DNAJB6: variants seen among roughly 807,000 people sequenced by gnomAD.
DNAJB6 encodes DnaJ heat shock protein family (Hsp40) member B6.
In DNAJB6, 16 loss-of-function variants were observed where a neutral mutation model predicts 42.7. The observed-to-expected ratio is 0.37, with a 90% CI of 0.25 to 0.57. DNAJB6 has a LOEUF of 0.57. Among genes scored for constraint, DNAJB6 ranks in the 20% least tolerant of loss-of-function variants. The pLI is 0.74. For missense variants in DNAJB6, 347 were observed against 416.8 expected (o/e 0.83, Z 1.46); for synonymous variants, 170 against 163.5 (o/e 1.04, Z -0.30).
intron 8 of DNAJB6, among the ~76,000 whole-genome samples, chr7:157,390,261 C>T (rs1341363831): frequency 2.6e-5 from 4 of 152,236 alleles, no homozygotes; most frequent in Non-Finnish European, 5.9e-5. Flanking sequence ...GGAGGCTTGC[C>T]ATGTGGATCC....
At chr7:157,388,152 A>G (rs1340871139) in intron 8 of DNAJB6, among the ~76,000 whole-genome samples, 3 of 152,162 alleles carry the variant, frequency 2.0e-5, no homozygotes, top group African/African-American at 4.8e-5. Flanking sequence ...GGCTGAGAAA[A>G]TTACTTTTAT....
chr7:157,381,781 C>T (rs1303125155), intron 5 of DNAJB6: 11 of 103,708 alleles, frequency 1.1e-4, no homozygotes, highest in African/African-American at 1.3e-4. Flanking sequence ...TGTGTGGGCG[C>T]GCGCATGTTA....
intron 3 of DNAJB6, 56 bp from the exon 4 acceptor site, chr7:157,366,446 T>C (rs1013007003): frequency 6.8e-7 from 1 of 1,478,022 alleles, no homozygotes; most frequent in African/African-American, 1.4e-5. Flanking sequence ...ACCTTATCTA[T>C]TGAATTAAGG....
Position 157,416,079 on chromosome 7 carries a change from C to A in DNAJB6, c.962C>A (p.Ser321Ter). The A allele has an allele frequency of 1.9e-6, 3 of 1,613,978 alleles. No individual in the cohort carries two copies. Among genetic ancestry groups the A allele is most frequent in the Non-Finnish European group, 2.5e-6 (3 of 1,179,934 alleles). Residue 321 changes from serine to a stop codon, truncating the protein, a stop_gained, in exon 10 of 10, where the codon TCG (serine) becomes TAG (stop). Transcript: ENST00000262177. LOFTEE classifies it high-confidence loss of function. ...KQREESKKKK[S>*]TKGNH ...AGAGAGGAGTCGAAGAAGAAGAAGTCGACCAAAGGCAATCACTAGACCGGA... is the reference window on the plus strand; with the variant it reads ...AGAGAGGAGTCGAAGAAGAAGAAGTAGACCAAAGGCAATCACTAGACCGGA...
At chr7:157,368,606 A>G (rs983983854) in intron 5 of DNAJB6, 1 of 152,616 alleles carries the variant, frequency 6.6e-6, no homozygotes, top group East Asian at 1.9e-4. Flanking sequence ...GCGTTGGTGT[A>G]TGTCTTGGGC....
chr7:157,367,389 C>A lies in DNAJB6; in HGVS notation c.252C>A (p.Asp84Glu), dbSNP rs766657033. ...TTTGTGCAGGTGGAAGTCATTTTGA[C>A]AGTCCATTTGAATTTGGCTTCACAT... is the stretch of plus-strand genomic sequence containing the variant. ...NGGGGGGSHFDSPFEFGFTFR... is the reference protein window; with the variant it reads ...NGGGGGGSHFESPFEFGFTFR... Residue 84 changes from aspartate (D) to glutamate (E), a missense_variant, in exon 5 of 10, where the codon GAC becomes GAA. Asp to Glu is a conservative substitution (Grantham distance 45). This residue lies in a region of DNAJB6 where 78 missense variants were observed against 102.1 expected (regional missense o/e 0.76). Coordinates refer to ENST00000262177, the MANE Select transcript of DNAJB6 (RefSeq NM_058246.4). The A allele has an allele frequency of 6.2e-7, 1 of 1,611,056 alleles. No homozygotes were observed. Among genetic ancestry groups the A allele is most frequent in the East Asian group, 2.2e-5 (1 of 44,876 alleles).
At chr7:157,361,304 G>A (rs1171541961) in intron 2 of DNAJB6, among the ~76,000 whole-genome samples, 2 of 151,964 alleles carry the variant, frequency 1.3e-5, no homozygotes, top group African/African-American at 2.4e-5. Context: ...AACTGCAGGC[G>A]CCTGCCATGA....
At chr7:157,358,991 T>G (rs1362107006) in intron 2 of DNAJB6, among the ~76,000 whole-genome samples, 1 of 152,188 alleles carries the variant, frequency 6.6e-6, no homozygotes, top group Non-Finnish European at 1.5e-5. Context: ...CAAATTTTCT[T>G]GTTGTGATTG....
At chr7:157,384,606 C>T (rs765428788) in intron 6 of DNAJB6, among the ~76,000 whole-genome samples, 1 of 152,194 alleles carries the variant, frequency 6.6e-6, no homozygotes, top group East Asian at 1.9e-4. Context: ...TTGGGTCCCG[C>T]GAAGCTCTGC....
intron 8 of DNAJB6, among the ~76,000 whole-genome samples, chr7:157,402,704 T>C (rs1018996461): frequency 6.6e-6 from 1 of 152,202 alleles, no homozygotes; most frequent in African/African-American, 2.4e-5. Flanking sequence ...CTACGGTGCA[T>C]GGGTGGTCCC....
intron 4 of DNAJB6, among the ~76,000 whole-genome samples, chr7:157,366,910 G>A (rs1471901771): frequency 3.9e-5 from 6 of 152,200 alleles, no homozygotes; most frequent in Middle Eastern, 3.2e-3. Context: ...TTTGAAGGGC[G>A]TGGACTTTGT....
intron 1 of DNAJB6, among the ~76,000 whole-genome samples, chr7:157,351,579 G>C (rs201817043): frequency 0.015 from 2,306 of 151,954 alleles, 54 homozygotes; most frequent in East Asian, 0.06. Flanking sequence ...TTTGCAGTGA[G>C]CTGAGATTGT....
chr7:157,381,745 C>CGT (rs3839841), intron 5 of DNAJB6: 14,994 of 148,764 alleles, frequency 0.1, 787 homozygotes, highest in Middle Eastern at 0.15. Context: ...CACCATTCCT[C>CGT]GTGTGTGTGT....
chr7:157,382,118 G>C lies in DNAJB6; in HGVS notation c.347-128G>C. The C allele has an allele frequency of 8.6e-6, 9 of 1,051,040 alleles. No individual in the cohort carries two copies. The South Asian group carries it at 1.7e-4, about 20-fold the overall frequency. 65.1% of individuals were successfully genotyped at this position (1,051,040 alleles called of 1,614,324 possible). A position where few individuals can be genotyped will look rare whatever the true frequency, so the allele number is the denominator to read the frequency against. On this transcript the variant is annotated intron_variant, in intron 5 of 9. Coordinates refer to ENST00000262177, the MANE Select transcript of DNAJB6 (RefSeq NM_058246.4). ...AGTTACTCTGTAGATAAGCTCTTTT[G>C]TTAAAACCTCTTAAGTTTTTTGTTC...
intron 1 of DNAJB6, among the ~76,000 whole-genome samples, chr7:157,351,161 C>T (rs750251897): frequency 1.3e-5 from 2 of 151,988 alleles, no homozygotes; most frequent in Non-Finnish European, 2.9e-5. Flanking sequence ...CTCGAACTCT[C>T]TACCTCAGGT....
intron 8 of DNAJB6, among the ~76,000 whole-genome samples, chr7:157,392,359 GTTTTT>G (rs371536881): frequency 7.3e-6 from 1 of 137,896 alleles, no homozygotes; most frequent in African/African-American, 2.6e-5. Context: ...TTGAAAGTGG[GTTTTT>G]TTTTTTTTTT....
intron 1 of DNAJB6, among the ~76,000 whole-genome samples, chr7:157,358,021 G>A (rs1013548303): frequency 2.0e-5 from 3 of 152,220 alleles, no homozygotes; most frequent in African/African-American, 7.2e-5. Context: ...TGGGAGATGT[G>A]TGGGAGGGCT....
chr7:157,388,750 T>A (rs1276026337), intron 8 of DNAJB6, among the ~76,000 whole-genome samples: 2 of 152,348 alleles, frequency 1.3e-5, no homozygotes, highest in East Asian at 1.9e-4. Context: ...TGTAGTTTTT[T>A]AATCCCTGTT....
chr7:157,366,441 A>AAAT, intron 3 of DNAJB6, 61 bp from the exon 4 acceptor site: 1 of 1,431,484 alleles, frequency 7.0e-7, no homozygotes, highest in Non-Finnish European at 9.8e-7. Flanking sequence ...GAAATACCTT[A>AAAT]TCTATTGAAT....
Sources: gnomAD v4.1 joint callset for allele counts (sites outside exome capture counted in the v4.1 genomes callset) on GRCh38, gnomAD v4.1.1 for gene constraint, gnomAD v4.1.1 regional missense constraint, MANE v1.5 for transcripts, NCBI Gene and HGNC (gene_info 2026-07-23, HGNC 2026-07-21) for gene names.